PRKCE: variants seen among roughly 807,000 people sequenced by gnomAD.
The protein encoded by PRKCE is protein kinase C epsilon type.
PRKCE carries 16 observed loss-of-function variants against 85.4 expected under a neutral mutation model. The ratio of observed to expected loss-of-function variants is 0.19; its 90% CI spans 0.13 to 0.28. The LOEUF is 0.28. Among genes scored for constraint, PRKCE ranks in the 10% least tolerant of loss-of-function variants. The pLI is 1.00. For synonymous variants in PRKCE, 388 were observed against 371.5 expected, an observed-to-expected ratio of 1.04 and a Z score of -0.51; for missense variants, 573 against 975.2, an observed-to-expected ratio of 0.59 and a Z score of 5.49.
At chr2:45,687,312 C>T (rs1236650654) in intron 1 of PRKCE, among the ~76,000 whole-genome samples, 2 of 151,950 alleles carry the variant, frequency 1.3e-5, no homozygotes, top group Admixed American at 6.6e-5. Context: ...AAGGTATAAA[C>T]AGACAATTGA....
At chr2:45,674,592 C>G (rs1457159675) in intron 1 of PRKCE, 7 of 152,176 alleles carry the variant, frequency 4.6e-5, no homozygotes, top group African/African-American at 1.7e-4. Context: ...GCTTGTCTCC[C>G]CACTCTGTGA....
chr2:45,756,246 A>G (rs1268823246), intron 1 of PRKCE, among the ~76,000 whole-genome samples: 1 of 152,180 alleles, frequency 6.6e-6, no homozygotes, highest in African/African-American at 2.4e-5. Context: ...CTTCTTTGAA[A>G]AAGCATGCCT....
rs999710894 is a variant in PRKCE at position 45,652,749 on chromosome 2, C to A, written c.348+301C>A. ...CTGGGCCACTGGTGCTGAAGGTTGG[C>A]CGAGGACCCGGCTTTCTTCCGCAGG... On this transcript the variant is annotated intron_variant, in intron 1 of 14. Coordinates refer to ENST00000306156, the MANE Select transcript of PRKCE (RefSeq NM_005400.3). The surrounding 1 kb of genome is among the most constrained non-coding windows in gnomAD (Gnocchi z 7.7). Among the ~76,000 whole-genome samples, 3 of 152,270 alleles carry A rather than the reference C, an allele frequency of 2.0e-5. No homozygotes were observed. Among genetic ancestry groups the A allele is most frequent in the Admixed American group, 2.0e-4 (3 of 15,298 alleles).
intron 10 of PRKCE, among the ~76,000 whole-genome samples, chr2:46,035,152 G>A (rs1358740574): frequency 6.6e-6 from 1 of 152,188 alleles, no homozygotes; most frequent in African/African-American, 2.4e-5. Context: ...GGGCTTTCAA[G>A]CAGAGCACAT....
intron 10 of PRKCE, chr2:46,010,874 T>C (rs1028379694): frequency 6.0e-6 from 9 of 1,501,360 alleles, no homozygotes; most frequent in African/African-American, 2.8e-5. Flanking sequence ...ACTTCTAAGT[T>C]ATTTTCATGT....
intron 1 of PRKCE, among the ~76,000 whole-genome samples, chr2:45,816,902 C>T (rs750995844): frequency 2.4e-4 from 36 of 152,172 alleles, no homozygotes; most frequent in East Asian, 1.9e-4. Context: ...ACCCCCTGCT[C>T]GGGGGTTTTG....
At chr2:45,770,190 G>A (rs1355055429) in intron 1 of PRKCE, among the ~76,000 whole-genome samples, 2 of 152,202 alleles carry the variant, frequency 1.3e-5, no homozygotes, top group Non-Finnish European at 2.9e-5. Context: ...GGGGGACACT[G>A]TTCTGCTCCC....
chr2:46,016,674 C>T (rs546153284), intron 10 of PRKCE, among the ~76,000 whole-genome samples: 52 of 152,112 alleles, frequency 3.4e-4, no homozygotes, highest in African/African-American at 9.4e-4. Flanking sequence ...TTTGGGAGGC[C>T]GAGGCAGGTG....
intron 1 of PRKCE, among the ~76,000 whole-genome samples, chr2:45,762,442 T>TG (rs1467523295): frequency 6.6e-6 from 1 of 152,210 alleles, no homozygotes; most frequent in East Asian, 1.9e-4. Context: ...ATGAGCTGGG[T>TG]GGCCTCAAAC....
At chr2:45,779,549 G>A (rs1314256272) in intron 1 of PRKCE, among the ~76,000 whole-genome samples, 1 of 150,058 alleles carries the variant, frequency 6.7e-6, no homozygotes, top group East Asian at 1.9e-4. Flanking sequence ...TGTGAACTGA[G>A]AAGTAAGACT....
At position 45,893,791 on chromosome 2, in the gene PRKCE, C is replaced by T. The variant is rs1187553968; in HGVS notation, c.412+50728C>T. On this transcript the variant is annotated intron_variant, in intron 2 of 14. Transcript: ENST00000306156. ...TGAACTGCAGAGTTTTCTTAATGAA[C>T]AGCCAGGCTTCCCAACTATGCGGTG... Among the ~76,000 whole-genome samples, 5 of 152,260 alleles carry T rather than the reference C, an allele frequency of 3.3e-5. No homozygotes were observed. In the South Asian group the frequency reaches 6.2e-4, roughly 19 times the overall value.
intron 2 of PRKCE, among the ~76,000 whole-genome samples, chr2:45,935,529 A>G (rs1282670228): frequency 6.6e-6 from 1 of 152,180 alleles, no homozygotes; most frequent in Non-Finnish European, 1.5e-5. Flanking sequence ...GCTCACGCCT[A>G]TAATCCCAGC....
intron 1 of PRKCE, among the ~76,000 whole-genome samples, chr2:45,787,024 A>G (rs1686654257): frequency 6.6e-6 from 1 of 152,154 alleles, no homozygotes; most frequent in Non-Finnish European, 1.5e-5. Context: ...CGATGATCCT[A>G]TGGGTTTGGG....
At chr2:46,032,308 G>A (rs1254974580) in intron 10 of PRKCE, among the ~76,000 whole-genome samples, 17 of 152,160 alleles carry the variant, frequency 1.1e-4, no homozygotes, top group Admixed American at 9.8e-4. Context: ...CCAGAACCAC[G>A]CCTGTGCCCT....
At chr2:45,964,850 A>G (rs1211017331) in intron 2 of PRKCE, among the ~76,000 whole-genome samples, 1 of 152,200 alleles carries the variant, frequency 6.6e-6, no homozygotes, top group Non-Finnish European at 1.5e-5. Flanking sequence ...TACCGTATCA[A>G]AGTCTGAGAT....
intron 11 of PRKCE, among the ~76,000 whole-genome samples, chr2:46,118,118 A>G (rs980839914): frequency 2.0e-5 from 3 of 152,236 alleles, no homozygotes; most frequent in Non-Finnish European, 2.9e-5. Flanking sequence ...TGAAGAATAA[A>G]TGGTCAGAAC....
At chr2:46,042,537 A>G (rs895953559) in intron 10 of PRKCE, among the ~76,000 whole-genome samples, 1 of 152,252 alleles carries the variant, frequency 6.6e-6, no homozygotes, top group Non-Finnish European at 1.5e-5. Context: ...GCCAGCCTGC[A>G]GTTCTCTCTC....
chr2:45,669,956 A>G (rs1676080518), intron 1 of PRKCE, among the ~76,000 whole-genome samples: 1 of 152,218 alleles, frequency 6.6e-6, no homozygotes, highest in Admixed American at 6.5e-5. Context: ...GGTTGCAGTG[A>G]GCTGAGATTG....
At chr2:45,769,715 C>A (rs570218912) in intron 1 of PRKCE, among the ~76,000 whole-genome samples, 1 of 152,130 alleles carries the variant, frequency 6.6e-6, no homozygotes, top group Non-Finnish European at 1.5e-5. Context: ...ATTCTGTGCT[C>A]ACATATTTTG....
Sources: allele counts gnomAD v4.1 joint callset (sites outside exome capture counted in the v4.1 genomes callset), GRCh38; gene constraint gnomAD v4.1.1; non-coding constraint Gnocchi (gnomAD v3.1); transcripts MANE v1.5; gene names NCBI Gene and HGNC (gene_info 2026-07-23, HGNC 2026-07-21).